NLGN4Y: variants seen among roughly 807,000 people sequenced by gnomAD.
NLGN4Y encodes neuroligin 4 Y-linked.
Under a neutral mutation model 8.4 loss-of-function variants are expected in NLGN4Y, and 4 were observed. The ratio of observed to expected loss-of-function variants is 0.48; its 90% CI spans 0.23 to 1.09. NLGN4Y has a LOEUF of 1.09. Ranked by LOEUF, NLGN4Y falls within the 50% of genes least tolerant of loss-of-function variation. The pLI, the probability that NLGN4Y is intolerant of heterozygous loss-of-function variation, is 0.19. For missense variants in NLGN4Y, 90 were observed against 192.3 expected, an observed-to-expected ratio of 0.47 and a Z score of 3.15; for synonymous variants, 35 against 75.6, an observed-to-expected ratio of 0.46 and a Z score of 2.78.
intron 4 of NLGN4Y, among the ~76,000 whole-genome samples, chrY:14,754,145 G>T: frequency 3.0e-5 from 1 of 32,957 alleles, no homozygotes; most frequent in Non-Finnish European, 7.4e-5. Context: ...GGCTGAGACA[G>T]GTAGATCACC....
intron 1 of NLGN4Y, among the ~76,000 whole-genome samples, chrY:14,572,859 T>G: frequency 3.0e-5 from 1 of 33,810 alleles, no homozygotes; most frequent in Non-Finnish European, 7.3e-5. Flanking sequence ...GATAATCATA[T>G]GATTTTTGTC....
rs1603504346 is a variant in NLGN4Y at position 14,819,461 on chromosome Y, C to A, written c.686-4727C>A. Among the ~76,000 whole-genome samples, 6 of 33,308 alleles carry A rather than the reference C, an allele frequency of 1.8e-4. No individual in the cohort carries two copies. In the East Asian group the frequency reaches 4.8e-3, roughly 27 times the overall value. The allele number at this position is 33,308 out of a possible 37,273, so 89.4% of individuals were successfully genotyped here. ...TATCTGAAAACATCCCCAGGTCTAC[C>A]TTATCTGCTTTAAATTGGAGAGGGA... On this transcript the variant is annotated intron_variant, in intron 4 of 6. Coordinates refer to ENST00000684976, the MANE Select transcript of NLGN4Y (RefSeq NM_001365588.1).
chrY:14,526,921 G>C, intron 1 of NLGN4Y, among the ~76,000 whole-genome samples: 6 of 32,865 alleles, frequency 1.8e-4, no homozygotes, highest in African/African-American at 7.1e-4. Context: ...GTAGACTAAT[G>C]GTAAGCATAC....
intron 2 of NLGN4Y, among the ~76,000 whole-genome samples, chrY:14,664,692 C>T: frequency 3.0e-5 from 1 of 33,695 alleles, no homozygotes; most frequent in Non-Finnish European, 7.3e-5. Context: ...CATCCTTTGC[C>T]TCATCTGTTA....
At chrY:14,631,913 A>G in intron 2 of NLGN4Y, among the ~76,000 whole-genome samples, 1 of 33,640 alleles carries the variant, frequency 3.0e-5, no homozygotes, top group Non-Finnish European at 7.3e-5. Flanking sequence ...TTGGAATGCC[A>G]GTTTATCCCC....
intron 4 of NLGN4Y, among the ~76,000 whole-genome samples, chrY:14,774,849 T>C: frequency 2.4e-4 from 8 of 33,110 alleles, no homozygotes; most frequent in African/African-American, 9.5e-4. Flanking sequence ...AGTTCATGTC[T>C]TTTGCAGGGA....
chrY:14,842,588 C>T lies in NLGN4Y; in HGVS notation c.*1326C>T, dbSNP rs1006173585. Reference sequence around the variant, plus strand: ...ACCTAGTCCCTTATGTATCAGTAAACAGGTTTTTAAAAATCTTTTATGTCA... The same window carrying T: ...ACCTAGTCCCTTATGTATCAGTAAATAGGTTTTTAAAAATCTTTTATGTCA... On this transcript the variant is annotated 3_prime_UTR_variant, in exon 7 of 7. Coordinates refer to ENST00000684976, the MANE Select transcript of NLGN4Y (RefSeq NM_001365588.1). 3 of 121,809 alleles carry T rather than the reference C, an allele frequency of 2.5e-5. No homozygotes were observed. The highest frequency in any genetic ancestry group is 2.0e-4 in the Admixed American group (2 of 9,885). 30.4% of individuals were successfully genotyped at this position (121,809 alleles called of 400,897 possible).
At chrY:14,613,221 T>G (rs1016221309) in intron 1 of NLGN4Y, among the ~76,000 whole-genome samples, 6 of 32,882 alleles carry the variant, frequency 1.8e-4, no homozygotes, top group Non-Finnish European at 3.7e-4. Context: ...GATCTTAGCT[T>G]ACTGGGCTCC....
At chrY:14,775,036 G>C in intron 4 of NLGN4Y, among the ~76,000 whole-genome samples, 1 of 32,417 alleles carries the variant, frequency 3.1e-5, no homozygotes, top group Admixed American at 2.9e-4. Context: ...AATAGCGTCA[G>C]GAGAAATACC....
At chrY:14,805,376 G>A (rs763051155) in intron 4 of NLGN4Y, among the ~76,000 whole-genome samples, 9 of 33,255 alleles carry the variant, frequency 2.7e-4, no homozygotes, top group Admixed American at 5.5e-4. Context: ...TGAAACAGAG[G>A]TCAAATAGAG....
At chrY:14,578,186 G>C (rs2080305071) in intron 1 of NLGN4Y, among the ~76,000 whole-genome samples, 1 of 31,398 alleles carries the variant, frequency 3.2e-5, no homozygotes, top group Non-Finnish European at 7.6e-5. Flanking sequence ...TAACAATCCT[G>C]CACATTCTGC....
intron 4 of NLGN4Y, among the ~76,000 whole-genome samples, chrY:14,794,610 A>G (rs2042999469): frequency 2.1e-4 from 7 of 33,369 alleles, no homozygotes; most frequent in Admixed American, 1.9e-3. Context: ...CCTTATGTAA[A>G]CAGTTCAACT....
At chrY:14,678,292 C>T in intron 2 of NLGN4Y, among the ~76,000 whole-genome samples, 10 of 32,817 alleles carry the variant, frequency 3.0e-4, no homozygotes, top group African/African-American at 1.2e-3. Flanking sequence ...TATGAATGGT[C>T]TAAGTGTTTA....
At chrY:14,700,990 C>G (rs9785836) in intron 2 of NLGN4Y, among the ~76,000 whole-genome samples, 5,069 of 32,607 alleles carry the variant, frequency 0.16, no homozygotes, top group African/African-American at 0.6. Context: ...GGGTCACTAA[C>G]TAGTGCTAGA....
intron 6 of NLGN4Y, among the ~76,000 whole-genome samples, chrY:14,839,168 G>T: frequency 6.0e-5 from 2 of 33,142 alleles, no homozygotes; most frequent in Middle Eastern, 0.013. Flanking sequence ...GCCTGCCTGG[G>T]TCTGCACATT....
intron 2 of NLGN4Y, among the ~76,000 whole-genome samples, chrY:14,675,682 C>T: frequency 3.1e-5 from 1 of 32,335 alleles, no homozygotes; most frequent in African/African-American, 1.2e-4. Flanking sequence ...CTGGCAAGTC[C>T]AAGATCAAGG....
intron 1 of NLGN4Y, among the ~76,000 whole-genome samples, chrY:14,596,143 C>T: frequency 3.0e-5 from 1 of 33,316 alleles, no homozygotes; most frequent in African/African-American, 1.2e-4. Context: ...AGGAAGGATA[C>T]AATTTCTGAG....
chrY:14,594,899 C>A (rs946566230), intron 1 of NLGN4Y, among the ~76,000 whole-genome samples: 1 of 33,066 alleles, frequency 3.0e-5, no homozygotes, highest in Admixed American at 2.7e-4. Flanking sequence ...GGGATCCGTA[C>A]TGGGGATGGC....
intron 4 of NLGN4Y, among the ~76,000 whole-genome samples, chrY:14,798,300 A>G (rs2043019798): frequency 3.0e-5 from 1 of 33,644 alleles, no homozygotes; most frequent in Non-Finnish European, 7.4e-5. Context: ...CATTCAAAAT[A>G]AAGTTTTTGT....
Sources: allele counts gnomAD v4.1 joint callset (sites outside exome capture counted in the v4.1 genomes callset), GRCh38; gene constraint gnomAD v4.1.1; transcripts MANE v1.5; gene names NCBI Gene and HGNC (gene_info 2026-07-23, HGNC 2026-07-21).